Variants in SNW1 observed in about 807,000 individuals in gnomAD.
The protein encoded by SNW1 is SNW domain-containing protein 1.
A neutral mutation model predicts 75.6 loss-of-function variants in SNW1; 9 were observed. The ratio of observed to expected loss-of-function variants is 0.12; its 90% CI spans 0.07 to 0.21. The LOEUF (loss-of-function observed/expected upper bound fraction) is 0.21. SNW1 is among the 10% of genes least tolerant of loss of function. The pLI is 1.00. For synonymous variants in SNW1, 200 were observed against 219.1 expected (o/e 0.91, Z 0.77); for missense variants, 409 against 670.9 (o/e 0.61, Z 4.31).
intron 3 of SNW1, among the ~76,000 whole-genome samples, chr14:77,747,989 A>T (rs1195798205): frequency 6.6e-6 from 1 of 152,258 alleles, no homozygotes; most frequent in East Asian, 1.9e-4. Context: ...ATGTGGGGAA[A>T]AGATAGATAA....
Position 77,737,040 on chromosome 14 carries a change from G to T in SNW1, c.569C>A (p.Ser190Tyr). 1.2e-6 allele frequency: 2 copies of T among 1,613,822 alleles called. 1 individual carries two copies. Among genetic ancestry groups the T allele is most frequent in the South Asian group, 2.2e-5 (2 of 91,068 alleles). The change falls in exon 6 of 14, where the codon TCT becomes TAT. Residue 190 changes from serine (S) to tyrosine (Y), a missense_variant. Coordinates refer to ENST00000261531, the MANE Select transcript of SNW1 (RefSeq NM_012245.3). Reference sequence around the variant, plus strand: ...CCGAATAACCCTCTGTTTAGCTCCAGAGTTGAATGCCACTCCTTGCTGAGA... The same window carrying T: ...CCGAATAACCCTCTGTTTAGCTCCATAGTTGAATGCCACTCCTTGCTGAGA... ...TPSQQGVAFNSGAKQRVIRMV... is the reference protein window; with the variant it reads ...TPSQQGVAFNYGAKQRVIRMV...
rs1361977582 is a variant in SNW1, at chr14:77,717,611, G to A, written c.*477C>T. The A allele has an allele frequency of 6.5e-7, 1 of 1,534,808 alleles. No homozygotes were observed. On this transcript the variant is annotated 3_prime_UTR_variant, in exon 14 of 14. Transcript: ENST00000261531. Reference sequence around the variant, plus strand: ...ACATAACTGAGAATTTTGTCTAAATGTTTTTATTTGAAACAAATAGTTGCA... The same window carrying A: ...ACATAACTGAGAATTTTGTCTAAATATTTTTATTTGAAACAAATAGTTGCA...
chr14:77,745,411 A>G (rs2080753304), intron 3 of SNW1, among the ~76,000 whole-genome samples: 1 of 152,220 alleles, frequency 6.6e-6, no homozygotes, highest in South Asian at 2.1e-4. Context: ...GAATGCTTGA[A>G]TGTTTTTTCT....
chr14:77,732,699 C>T, intron 8 of SNW1, 98 bp from the exon 9 acceptor site: 1 of 724,750 alleles, frequency 1.4e-6, no homozygotes, highest in Non-Finnish European at 2.3e-6. Context: ...GAGTCTTGCT[C>T]TGTCACCCTG....
At chr14:77,722,532 C>T in intron 11 of SNW1, 1 of 452,500 alleles carries the variant, frequency 2.2e-6, no homozygotes, top group South Asian at 1.6e-5. Flanking sequence ...TTTATCTCAC[C>T]ATTTGAGGTA....
rs2080624727 is a variant in SNW1, at chr14:77,731,232, A to T, written c.892-103T>A. 4.0e-6 allele frequency: 5 copies of T among 1,257,878 alleles called. No individual in the cohort carries two copies. The Admixed American group carries it at 9.6e-5, about 24-fold the overall frequency. 77.9% of individuals were successfully genotyped at this position (1,257,878 alleles called of 1,614,324 possible). A position where few individuals can be genotyped will look rare whatever the true frequency, so the allele number is the denominator to read the frequency against. ...CTGGCTGGTAAGAGCAATTATACAGAATTCAGATTTGTTATTGCTAATTAA... is the reference window on the plus strand; with the variant it reads ...CTGGCTGGTAAGAGCAATTATACAGTATTCAGATTTGTTATTGCTAATTAA... On this transcript the variant is annotated intron_variant, in intron 9 of 13. Coordinates refer to ENST00000261531, the MANE Select transcript of SNW1 (RefSeq NM_012245.3).
At chr14:77,753,502 C>T (rs915797083) in intron 2 of SNW1, among the ~76,000 whole-genome samples, 1 of 152,156 alleles carries the variant, frequency 6.6e-6, no homozygotes, top group Non-Finnish European at 1.5e-5. Flanking sequence ...CAACAAAAAT[C>T]CCTTAATAAT....
At chr14:77,735,122 G>T in intron 7 of SNW1, 110 bp from the exon 8 acceptor site, 1 of 676,122 alleles carries the variant, frequency 1.5e-6, no homozygotes, top group Non-Finnish European at 2.5e-6. Flanking sequence ...CATATGCACA[G>T]CCGTAGTAAA....
At chr14:77,733,019 C>T (rs973644238) in intron 8 of SNW1, among the ~76,000 whole-genome samples, 8 of 152,212 alleles carry the variant, frequency 5.3e-5, no homozygotes, top group Admixed American at 5.2e-4. Context: ...GTTCTTTTTC[C>T]TTGCATCTTT....
intron 12 of SNW1, among the ~76,000 whole-genome samples, chr14:77,719,710 A>G (rs1178649172): frequency 6.6e-6 from 1 of 152,220 alleles, no homozygotes; most frequent in African/African-American, 2.4e-5. Context: ...TCCATCAGTC[A>G]CAAGCTAAAC....
At chr14:77,742,987 A>G (rs1370612867) in intron 3 of SNW1, among the ~76,000 whole-genome samples, 3 of 152,042 alleles carry the variant, frequency 2.0e-5, no homozygotes, top group African/African-American at 7.2e-5. Flanking sequence ...GCACTTTAGG[A>G]GGCCGAGGTG....
chr14:77,729,294 T>C (rs1235264782), intron 10 of SNW1, among the ~76,000 whole-genome samples: 2 of 152,206 alleles, frequency 1.3e-5, no homozygotes, highest in Admixed American at 1.3e-4. Flanking sequence ...ATTTAATCCT[T>C]CCCAACTGCT....
intron 1 of SNW1, among the ~76,000 whole-genome samples, chr14:77,755,487 C>T (rs116896764): frequency 0.054 from 8,193 of 152,108 alleles, 296 homozygotes; most frequent in Middle Eastern, 0.085. Flanking sequence ...GGTGTCATCT[C>T]CACTCACTGC....
At chr14:77,723,029 A>G (rs1186000673) in intron 11 of SNW1, 152 bp downstream of exon 11, 1 of 627,972 alleles carries the variant, frequency 1.6e-6, no homozygotes, top group African/African-American at 1.8e-5. Context: ...TTGTACTTTT[A>G]GTAGACACAG....
In SNW1 at chr14:77,733,465, C is replaced by G. The variant is rs140146043; in HGVS notation, c.775-864G>C. 2.7e-4 allele frequency among the ~76,000 whole-genome samples: 41 copies of G among 151,434 alleles called. 1 individual carries two copies. In the East Asian group the frequency reaches 5.2e-3, roughly 19 times the overall value. On this transcript the variant is annotated intron_variant, in intron 8 of 13. Transcript: ENST00000261531. ...AGTTTTAGTAAATAGAAAAAAAAGG[C>G]TGGGTGCAGTAGCTCAAGCCTGTAA...
At chr14:77,751,009 A>T (rs1325967135) in intron 3 of SNW1, among the ~76,000 whole-genome samples, 1 of 152,234 alleles carries the variant, frequency 6.6e-6, no homozygotes, top group Non-Finnish European at 1.5e-5. Context: ...GCAGATTTTT[A>T]AAAATTTACT....
chr14:77,725,377 G>A (rs1300887438), intron 10 of SNW1, among the ~76,000 whole-genome samples: 2 of 152,118 alleles, frequency 1.3e-5, no homozygotes, highest in Non-Finnish European at 2.9e-5. Flanking sequence ...CTGTGCTTTT[G>A]AGATTTTACC....
intron 8 of SNW1, among the ~76,000 whole-genome samples, chr14:77,734,373 T>C (rs1159044736): frequency 6.6e-6 from 1 of 152,338 alleles, no homozygotes; most frequent in Non-Finnish European, 1.5e-5. Flanking sequence ...CTAAATACCA[T>C]CTTGTATTTA....
intron 3 of SNW1, among the ~76,000 whole-genome samples, chr14:77,747,690 C>A (rs914496425): frequency 6.6e-6 from 1 of 151,300 alleles, no homozygotes; most frequent in African/African-American, 2.5e-5. Context: ...GCAGCCGCCC[C>A]GTCCAGGAGG....
Sources: allele counts gnomAD v4.1 joint callset (sites outside exome capture counted in the v4.1 genomes callset), GRCh38; gene constraint gnomAD v4.1.1; transcripts MANE v1.5; gene names NCBI Gene and HGNC (gene_info 2026-07-23, HGNC 2026-07-21).